Variants in GLIS3 observed in about 807,000 individuals in gnomAD.
GLIS3 encodes GLIS family zinc finger 3.
Under a neutral mutation model 78.6 loss-of-function variants are expected in GLIS3, and 53 were observed. The ratio of observed to expected loss-of-function variants is 0.67; its 90% confidence interval spans 0.54 to 0.85. The LOEUF is 0.85. GLIS3 is among the 40% of genes least tolerant of loss of function. GLIS3 has a pLI of 0.00. For missense variants in GLIS3, 1,703 were observed against 1,231.1 expected (o/e 1.38, Z -5.74); for synonymous variants, 684 against 509.9 (o/e 1.34, Z -4.60).
At chr9:3,950,868 TC>T (rs1816632116) in intron 4 of GLIS3, among the ~76,000 whole-genome samples, 2 of 152,202 alleles carry the variant, frequency 1.3e-5, no homozygotes, top group African/African-American at 4.8e-5. Flanking sequence ...TTCTCCTCCC[TC>T]CCTCGCTTTC....
chr9:4,358,316 T>G, the GLIS3 span, among the ~76,000 whole-genome samples: 1 of 131,278 alleles, frequency 7.6e-6, no homozygotes, highest in African/African-American at 2.7e-5. Context: ...AGTATCACTT[T>G]TGTAATTTAC....
chr9:3,875,784 C>T (rs762787717), intron 8 of GLIS3, among the ~76,000 whole-genome samples: 12 of 152,170 alleles, frequency 7.9e-5, no homozygotes, highest in African/African-American at 1.9e-4. Context: ...ATGGGGCACA[C>T]GTCCAGTAGG....
chr9:4,053,851 CCTTT>C (rs1193398258), intron 4 of GLIS3, among the ~76,000 whole-genome samples: 1 of 152,176 alleles, frequency 6.6e-6, no homozygotes, highest in Admixed American at 6.5e-5. Flanking sequence ...TAAAGCTCTG[CCTTT>C]CTTTATGTTG....
chr9:3,887,116 C>T (rs967226430), intron 7 of GLIS3, among the ~76,000 whole-genome samples: 9 of 152,162 alleles, frequency 5.9e-5, no homozygotes, highest in Non-Finnish European at 1.3e-4. Flanking sequence ...TCTATTATTT[C>T]TGCCTGTCTT....
At chr9:4,292,582 TA>T (rs1248218209) in intron 1 of GLIS3, among the ~76,000 whole-genome samples, 5 of 152,312 alleles carry the variant, frequency 3.3e-5, no homozygotes. Flanking sequence ...TTTGGCTTTA[TA>T]AAACGTAAGG....
chr9:4,086,681 A>T (rs1323854188), intron 4 of GLIS3, among the ~76,000 whole-genome samples: 2 of 152,196 alleles, frequency 1.3e-5, no homozygotes, highest in Non-Finnish European at 2.9e-5. Context: ...TTTTTTTACC[A>T]TGTAAATGTA....
At chr9:3,906,884 C>A (rs1343667633) in intron 6 of GLIS3, among the ~76,000 whole-genome samples, 1 of 152,202 alleles carries the variant, frequency 6.6e-6, no homozygotes, top group East Asian at 1.9e-4. Context: ...GCCTATCTCA[C>A]TGTCTGCAAA....
intron 4 of GLIS3, among the ~76,000 whole-genome samples, chr9:4,007,747 G>T (rs916816084): frequency 2.0e-5 from 3 of 152,124 alleles, no homozygotes; most frequent in African/African-American, 7.2e-5. Flanking sequence ...AATTACAAAA[G>T]AAAGTGTATC....
intron 4 of GLIS3, among the ~76,000 whole-genome samples, chr9:3,979,490 C>T (rs1290803301): frequency 2.0e-5 from 3 of 152,232 alleles, no homozygotes; most frequent in Non-Finnish European, 4.4e-5. Flanking sequence ...TCTGCACCAG[C>T]TCTGCCTCGT....
intron 4 of GLIS3, among the ~76,000 whole-genome samples, chr9:4,044,230 C>A (rs1262006782): frequency 6.6e-6 from 1 of 152,182 alleles, no homozygotes; most frequent in Non-Finnish European, 1.5e-5. Flanking sequence ...TGGCTCTTAA[C>A]TCTACCTGTG....
chr9:4,184,979 T>C (rs1315251352), intron 2 of GLIS3, among the ~76,000 whole-genome samples: 2 of 152,230 alleles, frequency 1.3e-5, no homozygotes, highest in African/African-American at 4.8e-5. Context: ...AGGTACATTT[T>C]ACACACCATA....
At chr9:3,863,028 G>C (rs1009665556) in intron 8 of GLIS3, among the ~76,000 whole-genome samples, 20 of 152,032 alleles carry the variant, frequency 1.3e-4, no homozygotes, top group African/African-American at 4.8e-4. Context: ...TGCAGAGGGG[G>C]AAGAAAGGAA....
At chr9:4,147,104 T>G (rs1834281327) in intron 2 of GLIS3, among the ~76,000 whole-genome samples, 1 of 152,190 alleles carries the variant, frequency 6.6e-6, no homozygotes, top group Non-Finnish European at 1.5e-5. Context: ...GCCATTCATT[T>G]CTTCCCCAAA....
chr9:4,146,199 T>C (rs889911381), intron 2 of GLIS3, among the ~76,000 whole-genome samples: 3 of 152,182 alleles, frequency 2.0e-5, no homozygotes, highest in African/African-American at 7.2e-5. Context: ...AAAGTCTTTA[T>C]GCACCAGAAC....
At chr9:4,407,346 G>A in the GLIS3 span, among the ~76,000 whole-genome samples, 1 of 152,190 alleles carries the variant, frequency 6.6e-6, no homozygotes, top group Non-Finnish European at 1.5e-5. Context: ...ACTACTGCAA[G>A]AAAACACTGG....
At chr9:4,097,929 C>A (rs1026980251) in intron 4 of GLIS3, among the ~76,000 whole-genome samples, 2 of 152,156 alleles carry the variant, frequency 1.3e-5, no homozygotes, top group African/African-American at 4.8e-5. Context: ...TGGGTCATTT[C>A]TAGGCTCCAT....
the GLIS3 span, among the ~76,000 whole-genome samples, chr9:4,383,564 G>T: frequency 6.6e-6 from 1 of 152,074 alleles, no homozygotes; most frequent in Non-Finnish European, 1.5e-5. Context: ...TTCTATACAA[G>T]CTCAAACCTG....
upstream of GLIS3, among the ~76,000 whole-genome samples, chr9:4,304,253 CTTG>C (rs1416842695): frequency 1.2e-4 from 18 of 152,154 alleles, no homozygotes; most frequent in African/African-American, 4.1e-4. Context: ...TACAAGGCGT[CTTG>C]TTATCAATGT....
intron 2 of GLIS3, among the ~76,000 whole-genome samples, chr9:4,149,722 T>C (rs1554716595): frequency 6.6e-6 from 1 of 152,174 alleles, no homozygotes; most frequent in Non-Finnish European, 1.5e-5. Flanking sequence ...TCATTTGTTA[T>C]CTCACTCATT....
Sources: gnomAD v4.1 joint callset for allele counts (sites outside exome capture counted in the v4.1 genomes callset) on GRCh38, gnomAD v4.1.1 for gene constraint, MANE v1.5 for transcripts, NCBI Gene and HGNC (gene_info 2026-07-23, HGNC 2026-07-21) for gene names.